BRF1: variants seen among roughly 807,000 people sequenced by gnomAD.
BRF1 encodes the protein BRF1 general transcription factor IIIB subunit.
In BRF1, 59 loss-of-function variants were observed where a neutral mutation model predicts 81.7. The ratio of observed to expected loss-of-function variants is 0.72; its 90% CI spans 0.59 to 0.90. The LOEUF (loss-of-function observed/expected upper bound fraction) is 0.90. BRF1 is among the 40% of genes least tolerant of loss of function. The pLI is 0.00. For synonymous variants in BRF1, 491 were observed against 395.6 expected, an observed-to-expected ratio of 1.24 and a Z score of -2.86; for missense variants, 1,050 against 936.3, an observed-to-expected ratio of 1.12 and a Z score of -1.58.
intron 7 of BRF1, chr14:105,227,686 G>T (rs1408348566): frequency 6.6e-6 from 1 of 152,342 alleles, no homozygotes; most frequent in Non-Finnish European, 1.5e-5. Context: ...TCAGCACCTG[G>T]CAGTCGGGCA....
chr14:105,258,150 T>A (rs1846115000), intron 3 of BRF1, among the ~76,000 whole-genome samples: 3 of 152,336 alleles, frequency 2.0e-5, no homozygotes, highest in Non-Finnish European at 1.5e-5. Context: ...GGGAACTCTG[T>A]ACTTTCTACA....
chr14:105,241,616 A>T (rs1595350636), intron 5 of BRF1: 1 of 668,560 alleles, frequency 1.5e-6, no homozygotes, highest in African/African-American at 1.8e-5. Context: ...GCCACTGGCC[A>T]CCTGCTGCCA....
chr14:105,250,818 T>G, intron 5 of BRF1: 2 of 867,748 alleles, frequency 2.3e-6, no homozygotes, highest in Non-Finnish European at 3.5e-6. Flanking sequence ...TAGAGACATT[T>G]TCCACACAGC....
chr14:105,249,257 G>A, intron 5 of BRF1: 3 of 1,567,388 alleles, frequency 1.9e-6, no homozygotes, highest in African/African-American at 1.3e-5. Context: ...GGTGGGTAGC[G>A]GCGGCCCCTC....
At chr14:105,285,939 T>G (rs1306225320) in intron 2 of BRF1, among the ~76,000 whole-genome samples, 3 of 152,250 alleles carry the variant, frequency 2.0e-5, no homozygotes, top group Non-Finnish European at 4.4e-5. Context: ...CAGACATTTC[T>G]CCAGTTTGTG....
intron 3 of BRF1, among the ~76,000 whole-genome samples, chr14:105,270,684 G>A (rs995102949): frequency 6.6e-6 from 1 of 151,832 alleles, no homozygotes; most frequent in Non-Finnish European, 1.5e-5. Flanking sequence ...CCAGCTACTC[G>A]AGAGGCTAAG....
At chr14:105,250,711 G>A in intron 5 of BRF1, 1 of 1,568,572 alleles carries the variant, frequency 6.4e-7, no homozygotes, top group Non-Finnish European at 8.7e-7. Context: ...CGAGTGAGTG[G>A]AGGGGAAGTC....
At position 105,278,525 on chromosome 14, in the gene BRF1, T is replaced by G. The variant is rs587773687; in HGVS notation, c.266-5631A>C. On this transcript the variant is annotated intron_variant, in intron 2 of 17. Coordinates refer to ENST00000547530, the MANE Select transcript of BRF1 (RefSeq NM_001519.4). ...TCCAGAGGAAAACACAAGAGTATCT[T>G]CAGACCTTGGAGTAGATAAGAATTT... Among the ~76,000 whole-genome samples, 86 of 152,220 alleles carry G rather than the reference T, an allele frequency of 5.6e-4. 1 individual carries two copies. The South Asian group carries it at 7.7e-3, about 14-fold the overall frequency.
At chr14:105,248,892 C>T (rs1595379526) in intron 5 of BRF1, 2 of 988,548 alleles carry the variant, frequency 2.0e-6, no homozygotes, top group Middle Eastern at 5.1e-4. Context: ...ACTCTACGCT[C>T]CCGCCAGCGC....
Position 105,308,449 on chromosome 14 carries a change from T to TGGTG in BRF1, c.-162+6872_-162+6873insCACC, listed in dbSNP as rs1301238413. ...GTGAGCTGAGATGGCACCATTGTAC[T>TGGTG]CCAGCCTGGGCACGACAGAGGCAGA... On this transcript the variant is annotated intron_variant, in intron 1 of 17. Transcript: ENST00000327359. Among the ~76,000 whole-genome samples the TGGTG allele has an allele frequency of 2.2e-4, 33 of 149,986 alleles. 1 individual carries two copies. The highest frequency in any genetic ancestry group is 1.5e-3 in the Admixed American group (23 of 15,128).
At chr14:105,305,273 G>A (rs890519397), upstream of BRF1, among the ~76,000 whole-genome samples, 1 of 152,076 alleles carries the variant, frequency 6.6e-6, no homozygotes, top group Non-Finnish European at 1.5e-5. Context: ...GTGGTAGCAT[G>A]TGTCTGTAGT....
chr14:105,248,224 G>A (rs1415883495), intron 5 of BRF1: 1 of 985,404 alleles, frequency 1.0e-6, no homozygotes, highest in Non-Finnish European at 1.2e-6. Flanking sequence ...GAACGAACGA[G>A]GAAGCCCAAC....
chr14:105,306,287 G>GTTTGTTTTGTTTTGT (rs202210208), intron 1 of BRF1, among the ~76,000 whole-genome samples: 15 of 151,500 alleles, frequency 9.9e-5, no homozygotes, highest in African/African-American at 3.7e-4. Context: ...TTGTTTTTGG[G>GTTTGTTTTGTTTTGT]TTTGTTTTGT....
chr14:105,270,791 G>GA (rs78282645), intron 3 of BRF1, among the ~76,000 whole-genome samples: 318 of 136,982 alleles, frequency 2.3e-3, no homozygotes, highest in Middle Eastern at 3.6e-3. Context: ...ACCCTGTCTG[G>GA]AAAAAAAAAA....
intron 2 of BRF1, among the ~76,000 whole-genome samples, chr14:105,278,840 C>A (rs919438539): frequency 6.6e-6 from 1 of 151,988 alleles, no homozygotes; most frequent in Admixed American, 6.6e-5. Context: ...GTCAAGAGAT[C>A]GAGACCATCC....
At chr14:105,212,413 C>T (rs776450731) in intron 15 of BRF1, 4 of 487,854 alleles carry the variant, frequency 8.2e-6, no homozygotes, top group Non-Finnish European at 1.5e-5. Context: ...GCAGACGCCC[C>T]GCTCCCCAGC....
chr14:105,264,417 C>T (rs748518873), intron 3 of BRF1, among the ~76,000 whole-genome samples: 7 of 151,862 alleles, frequency 4.6e-5, no homozygotes, highest in Non-Finnish European at 1.0e-4. Context: ...ATAATCCCAG[C>T]ACTTTGGGAG....
chr14:105,292,126 G>A (rs1226831265), intron 1 of BRF1, among the ~76,000 whole-genome samples: 1 of 152,150 alleles, frequency 6.6e-6, no homozygotes, highest in Non-Finnish European at 1.5e-5. Context: ...AAATAGGCGG[G>A]ACCACAGACA....
In BRF1 at chr14:105,241,427, C is replaced by T. The variant is rs751607926; in HGVS notation, c.545-13G>A. 3.6e-5 allele frequency: 58 copies of T among 1,609,624 alleles called. No homozygotes were observed. Among genetic ancestry groups the T allele is most frequent in the Non-Finnish European group, 4.6e-5 (54 of 1,179,834 alleles). On this transcript the variant is annotated splice_polypyrimidine_tract_variant and intron_variant, in intron 5 of 17. Coordinates refer to ENST00000547530, the MANE Select transcript of BRF1 (RefSeq NM_001519.4). ...TACAGGCACGGGTCTGCGGCAGACA[C>T]AGCACCTCAGTGCCCACCTCCATGT...
Sources: allele counts gnomAD v4.1 joint callset (sites outside exome capture counted in the v4.1 genomes callset), GRCh38; gene constraint gnomAD v4.1.1; transcripts MANE v1.5; gene names NCBI Gene and HGNC (gene_info 2026-07-23, HGNC 2026-07-21).